MTPN: variants seen among roughly 807,000 people sequenced by gnomAD.
The protein encoded by MTPN is myotrophin, also known as granule cell differentiation protein.
A neutral mutation model predicts 13.5 loss-of-function variants in MTPN; 2 were observed. The ratio of observed to expected loss-of-function variants is 0.15; its 90% CI spans 0.06 to 0.47. The LOEUF is 0.47. Among genes scored for constraint, MTPN ranks in the 20% least tolerant of loss-of-function variants. The pLI, the probability that MTPN is intolerant of heterozygous loss-of-function variation, is 0.97. For synonymous variants in MTPN, 46 were observed against 51.7 expected (o/e 0.89, Z 0.48); for missense variants, 79 against 137.9 (o/e 0.57, Z 2.14).
intron 1 of MTPN, among the ~76,000 whole-genome samples, chr7:135,975,777 G>A (rs769153431): frequency 6.6e-6 from 1 of 152,200 alleles, no homozygotes; most frequent in Non-Finnish European, 1.5e-5. Flanking sequence ...AGGCAGTGAC[G>A]AGAAGACAGC....
intron 1 of MTPN, among the ~76,000 whole-genome samples, chr7:135,969,333 A>G (rs1799658097): frequency 6.6e-6 from 1 of 151,760 alleles, no homozygotes; most frequent in Non-Finnish European, 1.5e-5. Context: ...AAGAAGTTTT[A>G]AATATGATTT....
In MTPN at chr7:135,938,301, C is replaced by T. The variant is rs549421523; in HGVS notation, c.271-8289G>A. On this transcript the variant is annotated intron_variant, in intron 3 of 3. Coordinates refer to ENST00000393085, the MANE Select transcript of MTPN (RefSeq NM_145808.4). ...ATAAACACACACACATACCCTTCCCCCTTGGAATATAACCAATTACTTCAG... is the reference window on the plus strand; with the variant it reads ...ATAAACACACACACATACCCTTCCCTCTTGGAATATAACCAATTACTTCAG... Among the ~76,000 whole-genome samples the T allele has an allele frequency of 1.6e-4, 24 of 152,256 alleles. No homozygotes were observed. The South Asian group carries it at 2.3e-3, about 14-fold the overall frequency.
intron 1 of MTPN, among the ~76,000 whole-genome samples, chr7:135,972,175 C>T (rs1412487394): frequency 2.0e-5 from 3 of 151,658 alleles, no homozygotes. Flanking sequence ...AAAAAAACCA[C>T]TTTTAAAGCA....
At chr7:135,959,088 TTC>T (rs1379174594) in intron 1 of MTPN, among the ~76,000 whole-genome samples, 3 of 152,186 alleles carry the variant, frequency 2.0e-5, no homozygotes, top group East Asian at 3.8e-4. Context: ...TCTGCTATAA[TTC>T]TGTTTAATCT....
chr7:135,927,162 C>A lies in MTPN; in HGVS notation c.*2764G>T. 1 of 776,106 alleles carries A rather than the reference C, an allele frequency of 1.3e-6. No individual in the cohort carries two copies. The highest frequency in any genetic ancestry group is 1.9e-6 in the Non-Finnish European group (1 of 519,702). 48.1% of individuals were successfully genotyped at this position (776,106 alleles called of 1,614,324 possible). On this transcript the variant is annotated 3_prime_UTR_variant, in exon 4 of 4. Transcript: ENST00000393085. Reference sequence around the variant, plus strand: ...GAAAAAAAAATCAAACAGATACATACAGATTTAAAATCCAGTACTTGGGAA... The same window carrying A: ...GAAAAAAAAATCAAACAGATACATAAAGATTTAAAATCCAGTACTTGGGAA...
intron 3 of MTPN, among the ~76,000 whole-genome samples, chr7:135,935,673 A>G (rs1182763586): frequency 6.6e-6 from 1 of 152,250 alleles, no homozygotes; most frequent in East Asian, 1.9e-4. Context: ...GATAAATAAC[A>G]TGACACATAA....
chr7:135,937,540 A>G (rs1314884201), intron 3 of MTPN, among the ~76,000 whole-genome samples: 1 of 152,200 alleles, frequency 6.6e-6, no homozygotes, highest in Non-Finnish European at 1.5e-5. Flanking sequence ...TAGGATTTGC[A>G]TATAACATAC....
intron 1 of MTPN, among the ~76,000 whole-genome samples, chr7:135,957,120 A>T (rs1030050527): frequency 1.3e-5 from 2 of 152,218 alleles, no homozygotes; most frequent in African/African-American, 4.8e-5. Context: ...AAACATACTA[A>T]GTTGTTTTGA....
intron 1 of MTPN, 85 bp downstream of exon 1, chr7:135,976,944 C>CCCCCCCCCCCCCCCCCCCCA: frequency 1.2e-6 from 1 of 866,836 alleles, no homozygotes; most frequent in Non-Finnish European, 1.9e-6. Flanking sequence ...CACCCCCATC[C>CCCCCCCCCCCCCCCCCCCCA]CCGCAGTCCA....
chr7:135,945,088 T>C (rs748174638), intron 3 of MTPN, among the ~76,000 whole-genome samples: 42 of 152,218 alleles, frequency 2.8e-4, no homozygotes, highest in African/African-American at 5.1e-4. Flanking sequence ...TATCTAAACA[T>C]AGAAAAGGTA....
At chr7:135,969,238 T>TAAAAAAAAAA (rs57871609) in intron 1 of MTPN, among the ~76,000 whole-genome samples, 22 of 109,006 alleles carry the variant, frequency 2.0e-4, no homozygotes, top group East Asian at 7.2e-4. Flanking sequence ...TAAAGTATAA[T>TAAAAAAAAAA]AAAAAAAAAA....
intron 3 of MTPN, among the ~76,000 whole-genome samples, chr7:135,943,506 G>A (rs1799243986): frequency 6.6e-6 from 1 of 152,148 alleles, no homozygotes; most frequent in Non-Finnish European, 1.5e-5. Flanking sequence ...TACCAGACAA[G>A]ATGGTTTTTT....
intron 1 of MTPN, among the ~76,000 whole-genome samples, chr7:135,960,151 GT>G (rs1799500057): frequency 6.6e-6 from 1 of 152,036 alleles, no homozygotes; most frequent in South Asian, 2.1e-4. Context: ...AAGACAACAA[GT>G]AAACCATTCA....
At position 135,944,174 on chromosome 7, in the gene MTPN, T is replaced by C. The variant is rs969474354; in HGVS notation, c.270+6425A>G. Among the ~76,000 whole-genome samples, 7 of 152,116 alleles carry C rather than the reference T, an allele frequency of 4.6e-5. No homozygotes were observed. The East Asian group carries it at 7.7e-4, about 17-fold the overall frequency. ...TAGCAAATATAACATCTTTAAATGATTGATAAAAGAAGTAAATAATTAGGA... is the reference window on the plus strand; with the variant it reads ...TAGCAAATATAACATCTTTAAATGACTGATAAAAGAAGTAAATAATTAGGA... On this transcript the variant is annotated intron_variant, in intron 3 of 3. Transcript: ENST00000393085.
rs1798941990 is a variant in MTPN, at chr7:135,927,623, G to C, written c.*2303C>G. On this transcript the variant is annotated 3_prime_UTR_variant, in exon 4 of 4. Transcript: ENST00000393085. The stretch of plus-strand genomic sequence containing the variant: ...GTGTTGTGAATTTGTCTGCCAAGTG[G>C]TTCAGAAATACATTATAAATAACCT... The C allele has an allele frequency of 1.5e-6, 1 of 663,628 alleles. No homozygotes were observed. The highest frequency in any genetic ancestry group is 1.6e-5 in the South Asian group (1 of 63,164). 41.1% of individuals were successfully genotyped at this position (663,628 alleles called of 1,614,324 possible).
intron 3 of MTPN, among the ~76,000 whole-genome samples, chr7:135,944,481 G>A (rs1235213747): frequency 6.6e-6 from 1 of 151,934 alleles, no homozygotes; most frequent in Admixed American, 6.6e-5. Flanking sequence ...TTTGAGACCA[G>A]CCTGGTCAAC....
intron 1 of MTPN, among the ~76,000 whole-genome samples, chr7:135,958,545 T>C (rs962230582): frequency 6.6e-6 from 1 of 152,194 alleles, no homozygotes; most frequent in African/African-American, 2.4e-5. Flanking sequence ...TGAGTATCTC[T>C]AATGAAAGGC....
At chr7:135,958,968 G>C (rs963269681) in intron 1 of MTPN, among the ~76,000 whole-genome samples, 9 of 152,108 alleles carry the variant, frequency 5.9e-5, no homozygotes, top group Admixed American at 2.0e-4. Flanking sequence ...CCCCTGATAA[G>C]TGTTATAAAC....
At chr7:135,971,094 C>T (rs1485076623) in intron 1 of MTPN, among the ~76,000 whole-genome samples, 1 of 152,166 alleles carries the variant, frequency 6.6e-6, no homozygotes, top group Non-Finnish European at 1.5e-5. Context: ...ATATCTTTCT[C>T]AGGTTCAAGA....
Sources: gnomAD v4.1 joint callset for allele counts (sites outside exome capture counted in the v4.1 genomes callset) on GRCh38, gnomAD v4.1.1 for gene constraint, MANE v1.5 for transcripts, NCBI Gene and HGNC (gene_info 2026-07-23, HGNC 2026-07-21) for gene names.